The following AMN1 variants were observed in gnomAD, a reference collection of about 807,000 sequenced individuals.
AMN1 encodes antagonist of mitotic exit network 1 homolog.
Under a neutral mutation model 33.0 loss-of-function variants are expected in AMN1, and 20 were observed. The observed-to-expected ratio is 0.61, with a 90% CI of 0.43 to 0.88. The LOEUF (loss-of-function observed/expected upper bound fraction) is 0.88. Among genes scored for constraint, AMN1 ranks in the 40% least tolerant of loss-of-function variants. The pLI, the probability that AMN1 is intolerant of heterozygous loss-of-function variation, is 0.00. For synonymous variants in AMN1, 114 were observed against 111.9 expected (o/e 1.02, Z -0.12); for missense variants, 246 against 307.4 (o/e 0.80, Z 1.49).
chr12:31,706,116 T>A (rs894964410), intron 2 of AMN1, among the ~76,000 whole-genome samples: 1 of 151,880 alleles, frequency 6.6e-6, no homozygotes, highest in Non-Finnish European at 1.5e-5. Context: ...ATCGAGACCA[T>A]CCTGGCTAAC....
At position 31,726,837 on chromosome 12, in the gene AMN1, T is replaced by C. The variant is rs781037687; in HGVS notation, c.38+2134A>G. On this transcript the variant is annotated intron_variant, in intron 1 of 6. Coordinates refer to ENST00000281471, the MANE Select transcript of AMN1 (RefSeq NM_001113402.2). ...CACTCTAGCATGACAATGAAGATCA[T>C]GTAGTCATCCCTGTCTTAGCCCCAA... 2.0e-5 allele frequency among the ~76,000 whole-genome samples: 3 copies of C among 152,240 alleles called. No individual in the cohort carries two copies. In the East Asian group the frequency reaches 5.8e-4, roughly 29 times the overall value.
intron 6 of AMN1, among the ~76,000 whole-genome samples, chr12:31,673,834 T>C (rs1951331835): frequency 6.6e-6 from 1 of 152,240 alleles, no homozygotes; most frequent in African/African-American, 2.4e-5. Context: ...GAAAATCAAT[T>C]AGTATAATAT....
Position 31,709,432 on chromosome 12 carries a change from T to C in AMN1, c.39-7A>G, listed in dbSNP as rs1939383782. 1 of 1,607,650 alleles carries C rather than the reference T, an allele frequency of 6.2e-7. No individual in the cohort carries two copies. Among genetic ancestry groups the C allele is most frequent in the African/African-American group, 1.3e-5 (1 of 74,894 alleles). On this transcript the variant is annotated splice_region_variant and splice_polypyrimidine_tract_variant and intron_variant, in intron 1 of 6. Transcript: ENST00000281471. The stretch of plus-strand genomic sequence containing the variant: ...CATGAAGCACCAAAGGCATCTGAAA[T>C]ACAAATACAATATAGTAAATCACAC...
At chr12:31,698,027 A>G (rs573787220) in intron 3 of AMN1, 70 bp from the exon 4 acceptor site, 2 of 1,466,692 alleles carry the variant, frequency 1.4e-6, no homozygotes, top group South Asian at 2.3e-5. Context: ...AATGTGACTG[A>G]TTTTCATTTT....
intron 1 of AMN1, among the ~76,000 whole-genome samples, chr12:31,721,716 C>T (rs1275514553): frequency 1.3e-5 from 2 of 152,156 alleles, no homozygotes; most frequent in Non-Finnish European, 2.9e-5. Flanking sequence ...GACAATGTTA[C>T]CTGGTCTGCC....
intron 6 of AMN1, among the ~76,000 whole-genome samples, chr12:31,685,000 A>G (rs150791638): frequency 4.0e-5 from 6 of 150,006 alleles, no homozygotes; most frequent in Admixed American, 4.0e-4. Flanking sequence ...TATCTTTTAG[A>G]TTTTTATAAA....
rs373543844 is a variant in AMN1 at position 31,727,281 on chromosome 12, TAA to T, written c.38+1688_38+1689del. On this transcript the variant is annotated intron_variant, in intron 1 of 6. Transcript: ENST00000281471. ...CTCCTGGTTTGGGCTCTTCACCTCT[TAA>T]GATTTTGTAACAGTCTTCTAAGTGT... Among the ~76,000 whole-genome samples, 608 of 152,376 alleles carry T rather than the reference TAA, an allele frequency of 4.0e-3. 9 individuals are homozygous for T. The highest frequency in any genetic ancestry group is 0.014 in the African/African-American group (588 of 41,596).
chr12:31,690,262 G>A (rs564546368), intron 5 of AMN1, among the ~76,000 whole-genome samples: 2 of 151,980 alleles, frequency 1.3e-5, no homozygotes, highest in South Asian at 2.1e-4. Flanking sequence ...TTTTTCTCTG[G>A]GTAGACACCC....
intron 1 of AMN1, among the ~76,000 whole-genome samples, chr12:31,710,027 T>C (rs1205509251): frequency 6.6e-6 from 1 of 152,222 alleles, no homozygotes; most frequent in Non-Finnish European, 1.5e-5. Flanking sequence ...CTAAGACACA[T>C]ACTCCTAAAT....
chr12:31,724,289 C>T (rs1422076955), intron 1 of AMN1, among the ~76,000 whole-genome samples: 1 of 152,184 alleles, frequency 6.6e-6, no homozygotes, highest in Non-Finnish European at 1.5e-5. Context: ...ATGCCAGCAT[C>T]AGTACTCTTG....
intron 5 of AMN1, among the ~76,000 whole-genome samples, chr12:31,693,869 CTG>C (rs1166924128): frequency 6.6e-6 from 1 of 151,508 alleles, no homozygotes. Flanking sequence ...CAAGGTTTCA[CTG>C]TGTTGCCCAG....
chr12:31,685,492 A>T (rs1007839029), intron 6 of AMN1, among the ~76,000 whole-genome samples: 3 of 151,830 alleles, frequency 2.0e-5, no homozygotes, highest in African/African-American at 7.3e-5. Context: ...TGACTTTCAC[A>T]TTTTTTCCAC....
intron 3 of AMN1, among the ~76,000 whole-genome samples, chr12:31,700,857 T>C (rs979016036): frequency 1.3e-5 from 2 of 149,906 alleles, no homozygotes; most frequent in Non-Finnish European, 3.0e-5. Flanking sequence ...GCCCGGCTAA[T>C]TTTTTGTAGT....
At chr12:31,692,130 G>C (rs1938527472) in intron 5 of AMN1, among the ~76,000 whole-genome samples, 1 of 151,744 alleles carries the variant, frequency 6.6e-6, no homozygotes, top group Non-Finnish European at 1.5e-5. Flanking sequence ...ACCCGCCTCA[G>C]CCTCTCAAAG....
chr12:31,709,107 G>A (rs575804101), intron 2 of AMN1, 186 bp downstream of exon 2: 40 of 675,088 alleles, frequency 5.9e-5, no homozygotes, highest in South Asian at 1.7e-4. Flanking sequence ...TCCAGGCAGC[G>A]GAGGTTGCAG....
At chr12:31,699,418 A>AAAAAAG (rs1555187641) in intron 3 of AMN1, among the ~76,000 whole-genome samples, 2 of 149,380 alleles carry the variant, frequency 1.3e-5, no homozygotes, top group Non-Finnish European at 3.0e-5. Flanking sequence ...AAAAAAAAAA[A>AAAAAAG]AAAGAAAGAA....
At chr12:31,696,422 T>C (rs1938730880) in intron 5 of AMN1, among the ~76,000 whole-genome samples, 1 of 151,998 alleles carries the variant, frequency 6.6e-6, no homozygotes, top group African/African-American at 2.4e-5. Context: ...AAAATAGTTA[T>C]TTTTACTAAC....
intron 5 of AMN1, among the ~76,000 whole-genome samples, chr12:31,690,195 T>C (rs868354184): frequency 1.3e-5 from 2 of 152,384 alleles, no homozygotes; most frequent in South Asian, 2.1e-4. Context: ...ATTTTTGCAA[T>C]TGCAAATTGT....
At chr12:31,725,104 G>C (rs1343292498) in intron 1 of AMN1, among the ~76,000 whole-genome samples, 1 of 152,170 alleles carries the variant, frequency 6.6e-6, no homozygotes, top group Non-Finnish European at 1.5e-5. Flanking sequence ...GTGGCGAATG[G>C]GTAAGGATTA....
Sources: allele counts gnomAD v4.1 joint callset (sites outside exome capture counted in the v4.1 genomes callset), GRCh38; gene constraint gnomAD v4.1.1; transcripts MANE v1.5; gene names NCBI Gene and HGNC (gene_info 2026-07-23, HGNC 2026-07-21).